F8: variants seen among roughly 807,000 people sequenced by gnomAD.
F8 encodes coagulation factor VIII.
F8 carries 12 observed loss-of-function variants against 140.6 expected under a neutral mutation model. The ratio of observed to expected loss-of-function variants is 0.09; its 90% CI spans 0.05 to 0.14. The LOEUF is 0.14. Ranked by LOEUF, F8 falls within the 10% of genes least tolerant of loss-of-function variation. The pLI, the probability that F8 is intolerant of heterozygous loss-of-function variation, is 1.00. For missense variants in F8, 1,354 were observed against 1,720.7 expected (o/e 0.79, Z 3.77); for synonymous variants, 585 against 614.6 (o/e 0.95, Z 0.71).
chrX:154,916,862 T>C (rs782635959), intron 14 of F8, among the ~76,000 whole-genome samples: 1 of 111,322 alleles, frequency 9.0e-6, no homozygotes, highest in Admixed American at 9.6e-5. Context: ...TTTTTCTATG[T>C]CCTTGAGTTA....
intron 1 of F8, among the ~76,000 whole-genome samples, chrX:155,013,118 C>A (rs2073716509): frequency 1.1e-5 from 1 of 94,844 alleles, no homozygotes; most frequent in Non-Finnish European, 2.0e-5. Flanking sequence ...TGCACTCCAG[C>A]CTGGGTGACA....
chrX:154,972,161 T>C (rs2073459661), intron 6 of F8, among the ~76,000 whole-genome samples: 1 of 112,388 alleles, frequency 8.9e-6, no homozygotes, highest in South Asian at 3.7e-4. Context: ...AAGGGTTTCT[T>C]TGTCTCCACA....
chrX:154,916,976 AT>A (rs2073101185), intron 14 of F8, among the ~76,000 whole-genome samples: 1 of 110,248 alleles, frequency 9.1e-6, no homozygotes, highest in African/African-American at 3.3e-5. Flanking sequence ...TCATTTTGGT[AT>A]GTTGTTTCCA....
At chrX:154,856,462 A>G (rs1272857870) in intron 25 of F8, among the ~76,000 whole-genome samples, 2 of 112,783 alleles carry the variant, frequency 1.8e-5, no homozygotes, top group African/African-American at 3.2e-5. Flanking sequence ...AGCAGTTAGA[A>G]TAGTATGACT....
chrX:155,009,150 C>T lies in F8; in HGVS notation c.144-9550G>A, dbSNP rs76842703. ...CAGGCCGGACTGCGGACTGCAGTGG[C>T]GCAATCTCGGCTCACTGCAAGAACA... On this transcript the variant is annotated intron_variant, in intron 1 of 25. Transcript: ENST00000360256. Among the ~76,000 whole-genome samples the T allele has an allele frequency of 6.8e-3, 721 of 105,994 alleles. 34 individuals carry two copies. The East Asian group carries it at 0.15, about 21-fold the overall frequency. 92.0% of individuals were successfully genotyped at this position (105,994 alleles called of 115,157 possible).
At chrX:154,903,757 A>C in intron 18 of F8, 149 bp downstream of exon 18, 1 of 480,053 alleles carries the variant, frequency 2.1e-6, no homozygotes, top group Non-Finnish European at 3.6e-6. Flanking sequence ...CTTTGAACAA[A>C]TGGTTTAAAA....
At position 154,904,851 on chromosome X, in the gene F8, A is replaced by G; in HGVS notation, c.5546T>C (p.Phe1849Ser). The stretch of plus-strand genomic sequence containing the variant: ...GAAATAAGCCCAGGCTTTGCAGTCA[A>G]ACTCATCTTTAGTGGGTGCCATATG... The part of the protein sequence containing the change: ...QHHMAPTKDE[F>S]DCKAWAYFSD... The change falls in exon 16 of 26, where the codon TTT becomes TCT. Residue 1849 changes from phenylalanine (F) to serine (S), a missense_variant. Phe to Ser is a radical substitution (Grantham distance 155). Transcript: ENST00000360256. 3 of 1,211,698 alleles carry G rather than the reference A, an allele frequency of 2.5e-6. No individual in the cohort carries two copies. In the South Asian group the frequency reaches 5.3e-5, roughly 21 times the overall value.
At chrX:154,846,157 A>G (rs2072564373) in intron 25 of F8, among the ~76,000 whole-genome samples, 1 of 111,934 alleles carries the variant, frequency 8.9e-6, no homozygotes, top group Admixed American at 9.5e-5. Context: ...GGCCTGAGAG[A>G]CAGTTTGTTA....
At chrX:154,990,359 G>C (rs2073580949) in intron 4 of F8, among the ~76,000 whole-genome samples, 1 of 110,742 alleles carries the variant, frequency 9.0e-6, no homozygotes, top group African/African-American at 3.3e-5. Context: ...TTTTTTATTG[G>C]TTGCTCTAGG....
chrX:154,919,155 A>C (rs2073115811), intron 14 of F8: 1 of 111,770 alleles, frequency 8.9e-6, no homozygotes, highest in African/African-American at 3.3e-5. Context: ...TATGACAGCA[A>C]ACCAACTGTG....
In F8 at chrX:154,929,627, G is replaced by A. The variant is rs975859182; in HGVS notation, c.4163C>T (p.Pro1388Leu). Residue 1388 changes from proline (P) to leucine (L), a missense_variant, in exon 14 of 26, where the codon CCC (proline) becomes CTC (leucine). Pro to Leu is a moderately conservative substitution (Grantham distance 98, BLOSUM62 -3). This residue lies in a region of F8 where 658 missense variants were observed against 666.5 expected (regional missense o/e 0.99). Coordinates refer to ENST00000360256, the MANE Select transcript of F8 (RefSeq NM_000132.4). ...ACTCCTCGTAAGGCAATCTGATAAGGGAGACTGAGTAATGGCCCCTTTCTC... is the reference window on the plus strand; with the variant it reads ...ACTCCTCGTAAGGCAATCTGATAAGAGAGACTGAGTAATGGCCCCTTTCTC... Reference protein sequence around the residue: ...EKEKGAITQSPLSDCLTRSHS... With the variant: ...EKEKGAITQSLLSDCLTRSHS... 19 of 1,208,990 alleles carry A rather than the reference G, an allele frequency of 1.6e-5. No individual in the cohort carries two copies. The highest frequency in any genetic ancestry group is 2.2e-5 in the Admixed American group (1 of 45,702).
At chrX:154,866,878 T>TA (rs1217129043) in intron 22 of F8, among the ~76,000 whole-genome samples, 4 of 102,828 alleles carry the variant, frequency 3.9e-5, no homozygotes, top group Admixed American at 1.1e-4. Flanking sequence ...AAAAAGAGAA[T>TA]AAAAAAACAA....
chrX:154,897,565 G>A (rs996936658), intron 21 of F8: 3 of 112,102 alleles, frequency 2.7e-5, no homozygotes, highest in African/African-American at 9.7e-5. Context: ...GAGTGTCAAG[G>A]TCTTCAGAAG....
Position 154,922,054 on chromosome X carries a change from C to G in F8, c.5219+6517G>C, listed in dbSNP as rs1488097866. ...AAAAAGAAACAAAAACAAAACAAAACAAACAAACAAAAAGAAATGTTCTTT... is the reference window on the plus strand; with the variant it reads ...AAAAAGAAACAAAAACAAAACAAAAGAAACAAACAAAAAGAAATGTTCTTT... On this transcript the variant is annotated intron_variant, in intron 14 of 25. Transcript: ENST00000360256. Among the ~76,000 whole-genome samples the G allele has an allele frequency of 2.7e-5, 3 of 111,891 alleles. No homozygotes were observed. The East Asian group carries it at 8.4e-4, about 31-fold the overall frequency.
rs782291195 is a variant in F8 at position 154,860,628 on chromosome X, A to G, written c.6724-20T>C. On this transcript the variant is annotated intron_variant, in intron 24 of 25. Coordinates refer to ENST00000360256, the MANE Select transcript of F8 (RefSeq NM_000132.4). ...ATTCACCTGAGGGCAATAGAGTTGG[A>G]CTAGTAGCCTCTTGGTCACCATTTA... 1.7e-6 allele frequency: 2 copies of G among 1,201,864 alleles called. No homozygotes were observed. Among genetic ancestry groups the G allele is most frequent in the South Asian group, 3.5e-5 (2 of 56,648 alleles).
intron 25 of F8, among the ~76,000 whole-genome samples, chrX:154,854,991 G>A (rs1464625644): frequency 1.8e-5 from 2 of 111,114 alleles, no homozygotes; most frequent in African/African-American, 6.6e-5. Flanking sequence ...AATTAGGCAG[G>A]TGCCTGTAAT....
chrX:154,863,227 C>T lies in F8; in HGVS notation c.6430G>A (p.Val2144Ile). 8.3e-7 allele frequency: 1 copy of T among 1,208,726 alleles called. No individual in the cohort carries two copies. Among genetic ancestry groups the T allele is most frequent in the Non-Finnish European group, 1.1e-6 (1 of 892,756 alleles). Reference protein sequence around the residue: ...YRGNSTGTLMVFFGNVDSSGI... With the variant: ...YRGNSTGTLMIFFGNVDSSGI... ...GATGAATCCACATTGCCAAAGAAGA[C>T]CTGTATGGAGAGATTAGCACAAATA... is the stretch of plus-strand genomic sequence containing the variant. Residue 2144 changes from valine (V) to isoleucine (I), a missense_variant and splice_region_variant, in exon 23 of 26, where the codon GTC (valine) becomes ATC (isoleucine). Coordinates refer to ENST00000360256, the MANE Select transcript of F8 (RefSeq NM_000132.4).
chrX:154,862,492 G>T (rs2072700852), intron 23 of F8, among the ~76,000 whole-genome samples: 1 of 111,016 alleles, frequency 9.0e-6, no homozygotes, highest in Non-Finnish European at 1.9e-5. Context: ...GTGTATGAAT[G>T]ATCCCCTCAC....
intron 18 of F8, among the ~76,000 whole-genome samples, chrX:154,903,198 C>A (rs1268476501): frequency 9.1e-6 from 1 of 109,426 alleles, no homozygotes; most frequent in Non-Finnish European, 1.9e-5. Flanking sequence ...TTTTTAGAGA[C>A]AGGGTCTTGC....
Sources: allele counts gnomAD v4.1 joint callset (sites outside exome capture counted in the v4.1 genomes callset), GRCh38; gene constraint gnomAD v4.1.1; regional missense constraint gnomAD v4.1.1; transcripts MANE v1.5; gene names NCBI Gene and HGNC (gene_info 2026-07-23, HGNC 2026-07-21).